MYO3B: variants seen among roughly 807,000 people sequenced by gnomAD.
The protein encoded by MYO3B is myosin IIIB, also known as myosin-IIIb.
Under a neutral mutation model 174.6 loss-of-function variants are expected in MYO3B, and 156 were observed. The ratio of observed to expected loss-of-function variants is 0.89; its 90% CI spans 0.78 to 1.02. MYO3B has a LOEUF of 1.02. Ranked by LOEUF, MYO3B falls within the 50% of genes least tolerant of loss-of-function variation. The pLI, the probability that MYO3B is intolerant of heterozygous loss-of-function variation, is 0.00. For missense variants in MYO3B, 1,632 were observed against 1,639.4 expected (o/e 1.00, Z 0.08); for synonymous variants, 563 against 569.1 (o/e 0.99, Z 0.15).
rs1355248727 is a variant in MYO3B at position 170,230,968 on chromosome 2, C to A, written c.604-5023C>A. 3.9e-5 allele frequency among the ~76,000 whole-genome samples: 6 copies of A among 152,188 alleles called. No homozygotes were observed. In the South Asian group the frequency reaches 1.2e-3, roughly 32 times the overall value. On this transcript the variant is annotated intron_variant, in intron 6 of 34. Transcript: ENST00000408978. ...AATGCCAGGCTCTGGGATTTTCTAG[C>A]ATTAGTCAGAGGTGAAAGTCTCTTC... is the stretch of plus-strand genomic sequence containing the variant.
intron 22 of MYO3B, among the ~76,000 whole-genome samples, chr2:170,438,249 T>C (rs1027355963): frequency 2.0e-5 from 3 of 152,212 alleles, no homozygotes; most frequent in African/African-American, 7.2e-5. Flanking sequence ...TTGTAGTGTA[T>C]GGCAGGATTT....
intron 34 of MYO3B, among the ~76,000 whole-genome samples, chr2:170,652,620 A>G (rs1430972800): frequency 6.6e-6 from 1 of 152,238 alleles, no homozygotes; most frequent in African/African-American, 2.4e-5. Context: ...GAGAACAGCA[A>G]TGAAGTACAT....
At chr2:170,265,532 G>T (rs1518727) in intron 7 of MYO3B, among the ~76,000 whole-genome samples, 120,920 of 152,178 alleles carry the variant, frequency 0.79, 51,082 homozygotes, top group East Asian at 0.94. Context: ...GCAAGGTCAG[G>T]CTAGGTCAGG....
intron 7 of MYO3B, among the ~76,000 whole-genome samples, chr2:170,329,983 A>C (rs2093900520): frequency 6.6e-6 from 1 of 151,172 alleles, no homozygotes; most frequent in Non-Finnish European, 1.5e-5. Flanking sequence ...GTAAGGAAAT[A>C]GAATGTTTTT....
chr2:170,382,919 A>C (rs989004887), intron 10 of MYO3B, among the ~76,000 whole-genome samples, 154 bp from the exon 11 acceptor site: 3 of 152,194 alleles, frequency 2.0e-5, no homozygotes, highest in African/African-American at 7.2e-5. Flanking sequence ...TGTTTTAATG[A>C]ATTGGGATCA....
intron 22 of MYO3B, chr2:170,411,964 G>T (rs577243692): frequency 1.3e-5 from 2 of 152,326 alleles, no homozygotes; most frequent in African/African-American, 4.8e-5. Context: ...CCAGCCTTTT[G>T]CCTGCAGATG....
intron 7 of MYO3B, among the ~76,000 whole-genome samples, chr2:170,266,657 A>G (rs2093386015): frequency 2.0e-5 from 3 of 152,232 alleles, no homozygotes; most frequent in Non-Finnish European, 4.4e-5. Context: ...CACAATACCT[A>G]GGGGTCTATA....
At chr2:170,196,649 G>T (rs2105330227) in intron 1 of MYO3B, among the ~76,000 whole-genome samples, 1 of 146,436 alleles carries the variant, frequency 6.8e-6, no homozygotes, top group South Asian at 2.2e-4. Flanking sequence ...AAGTAAAGAT[G>T]AAACTGCCTT....
chr2:170,240,341 G>A (rs796638096), intron 7 of MYO3B, among the ~76,000 whole-genome samples: 8 of 152,294 alleles, frequency 5.3e-5, no homozygotes, highest in South Asian at 2.1e-4. Flanking sequence ...GATCTGTCAA[G>A]TGCTAACTGT....
chr2:170,351,909 C>T (rs2094074308), intron 8 of MYO3B, among the ~76,000 whole-genome samples: 1 of 152,100 alleles, frequency 6.6e-6, no homozygotes, highest in Non-Finnish European at 1.5e-5. Context: ...GGACAGCATC[C>T]AGTGTGTGAT....
At chr2:170,588,956 T>A (rs1369698906) in intron 32 of MYO3B, among the ~76,000 whole-genome samples, 1 of 152,178 alleles carries the variant, frequency 6.6e-6, no homozygotes, top group Non-Finnish European at 1.5e-5. Context: ...AAGGCTGTGG[T>A]TGAGACGGCC....
At chr2:170,181,382 A>G (rs1000122002) in intron 1 of MYO3B, among the ~76,000 whole-genome samples, 18 of 152,266 alleles carry the variant, frequency 1.2e-4, no homozygotes, top group Admixed American at 1.0e-3. Context: ...TGTAATCTTC[A>G]AATTAAGCCC....
chr2:170,481,342 C>T (rs1272878653), intron 25 of MYO3B, among the ~76,000 whole-genome samples: 1 of 152,192 alleles, frequency 6.6e-6, no homozygotes, highest in Non-Finnish European at 1.5e-5. Flanking sequence ...CCTGTAACCC[C>T]AGGAGGCCAA....
intron 15 of MYO3B, 98 bp from the exon 16 acceptor site, chr2:170,392,283 G>C (rs1395752694): frequency 1.3e-5 from 10 of 746,542 alleles, no homozygotes; most frequent in Admixed American, 2.5e-5. Flanking sequence ...ACAGAGTGAG[G>C]TCCCATCTTT....
At position 170,299,787 on chromosome 2, in the gene MYO3B, A is replaced by G. The variant is rs994131458; in HGVS notation, c.750-35598A>G. 9.2e-5 allele frequency among the ~76,000 whole-genome samples: 14 copies of G among 152,364 alleles called. No homozygotes were observed. In the South Asian group the frequency reaches 1.2e-3, roughly 14 times the overall value. On this transcript the variant is annotated intron_variant, in intron 7 of 34. Transcript: ENST00000408978. The stretch of plus-strand genomic sequence containing the variant: ...ATTCTTAGATGTCAGAAATTAGGGT[A>G]AAGATATTTTCATCGTGGGCAAGGG...
At chr2:170,387,413 AC>A in intron 14 of MYO3B, 105 bp downstream of exon 14, 2 of 1,014,346 alleles carry the variant, frequency 2.0e-6, no homozygotes, top group Non-Finnish European at 2.9e-6. Context: ...ACATTCCCCT[AC>A]CCTCCCCAAG....
chr2:170,222,360 A>G (rs553847946), intron 6 of MYO3B, among the ~76,000 whole-genome samples: 49 of 152,352 alleles, frequency 3.2e-4, no homozygotes, highest in Non-Finnish European at 5.7e-4. Context: ...TGCTGTAATC[A>G]AGTAGTACAA....
intron 22 of MYO3B, among the ~76,000 whole-genome samples, chr2:170,422,977 CTTTTT>C (rs34882424): frequency 2.3e-5 from 2 of 88,506 alleles, no homozygotes; most frequent in South Asian, 4.2e-4. Context: ...TTCTTTCTTT[CTTTTT>C]TTTTTTTTTT....
intron 7 of MYO3B, among the ~76,000 whole-genome samples, chr2:170,256,595 T>C (rs1160410090): frequency 6.6e-6 from 1 of 152,096 alleles, no homozygotes; most frequent in South Asian, 2.1e-4. Context: ...ATGAAGGAAA[T>C]TGATTTCCAC....
Sources: allele counts gnomAD v4.1 joint callset (sites outside exome capture counted in the v4.1 genomes callset), GRCh38; gene constraint gnomAD v4.1.1; transcripts MANE v1.5; gene names NCBI Gene and HGNC (gene_info 2026-07-23, HGNC 2026-07-21).